Variants in FAAH2 observed in about 807,000 individuals in gnomAD.
FAAH2 encodes the protein fatty acid amide hydrolase 2.
Under a neutral mutation model 36.9 loss-of-function variants are expected in FAAH2, and 60 were observed. The ratio of observed to expected loss-of-function variants is 1.63; its 90% CI spans 1.32 to 2.02. The LOEUF (loss-of-function observed/expected upper bound fraction) is 2.02, where lower values mean the gene tolerates loss of function less well. FAAH2 is among the 30% of genes most tolerant of loss of function. FAAH2 has a pLI of 0.00. For missense variants in FAAH2, 689 were observed against 397.5 expected (o/e 1.73, Z -6.23); for synonymous variants, 214 against 143.8 (o/e 1.49, Z -3.49).
intron 5 of FAAH2, among the ~76,000 whole-genome samples, chrX:57,371,940 G>T (rs1275226399): frequency 3.6e-5 from 4 of 111,616 alleles, no homozygotes; most frequent in Admixed American, 9.5e-5. Flanking sequence ...TTAGAATAAT[G>T]GCCTCAGGCT....
At chrX:57,335,242 G>A (rs905578041) in intron 4 of FAAH2, among the ~76,000 whole-genome samples, 60 of 110,727 alleles carry the variant, frequency 5.4e-4, no homozygotes, top group Non-Finnish European at 1.0e-3. Flanking sequence ...GAAAGAAAGA[G>A]ACACAGAGAC....
chrX:57,383,739 T>A (rs1057098833), intron 7 of FAAH2, among the ~76,000 whole-genome samples: 4 of 111,645 alleles, frequency 3.6e-5, no homozygotes, highest in African/African-American at 6.5e-5. Context: ...ATGAAAATGG[T>A]CATACTGCCC....
At chrX:57,342,682 G>T (rs889836621) in intron 5 of FAAH2, among the ~76,000 whole-genome samples, 1 of 110,751 alleles carries the variant, frequency 9.0e-6, no homozygotes, top group African/African-American at 3.3e-5. Flanking sequence ...TGGGTAAATT[G>T]TGTGTCCATG....
At chrX:57,177,229 G>T in the FAAH2 span, among the ~76,000 whole-genome samples, 1 of 109,496 alleles carries the variant, frequency 9.1e-6, no homozygotes, top group African/African-American at 3.3e-5. Context: ...GAGACACCAG[G>T]GCTGCACTTA....
intron 3 of FAAH2, among the ~76,000 whole-genome samples, chrX:57,318,999 T>A (rs1172287882): frequency 9.0e-6 from 1 of 111,406 alleles, no homozygotes; most frequent in African/African-American, 3.3e-5. Context: ...CTCAATAAAG[T>A]AGGTATTAAT....
intron 10 of FAAH2, among the ~76,000 whole-genome samples, chrX:57,449,832 A>G (rs1316983323): frequency 1.8e-5 from 2 of 111,004 alleles, no homozygotes; most frequent in Non-Finnish European, 3.8e-5. Flanking sequence ...ACACCCAGCT[A>G]AGTTTTGTAT....
intron 10 of FAAH2, among the ~76,000 whole-genome samples, chrX:57,476,513 G>C (rs908983386): frequency 9.0e-6 from 1 of 111,317 alleles, no homozygotes; most frequent in Non-Finnish European, 1.9e-5. Context: ...TATTGAACCA[G>C]CCTTGCATCC....
intron 5 of FAAH2, among the ~76,000 whole-genome samples, chrX:57,349,358 T>C (rs1469444135): frequency 1.0e-5 from 1 of 98,057 alleles, no homozygotes; most frequent in African/African-American, 3.6e-5. Context: ...CACATATATA[T>C]TTTAAATGTT....
the FAAH2 span, among the ~76,000 whole-genome samples, chrX:57,122,160 C>T: frequency 6.3e-5 from 7 of 111,696 alleles, no homozygotes; most frequent in Non-Finnish European, 1.3e-4. Flanking sequence ...AGTCCCATCT[C>T]CCATTTTTGA....
chrX:57,447,235 T>C (rs1312290526), intron 9 of FAAH2, among the ~76,000 whole-genome samples, 196 bp downstream of exon 9: 2 of 111,866 alleles, frequency 1.8e-5, no homozygotes, highest in East Asian at 5.6e-4. Flanking sequence ...TGGGTTCTCA[T>C]GGTCTTGGGC....
intron 10 of FAAH2, among the ~76,000 whole-genome samples, chrX:57,467,323 C>T (rs763146529): frequency 4.0e-4 from 44 of 111,183 alleles, no homozygotes; most frequent in Admixed American, 2.3e-3. Flanking sequence ...CCAGGAAGTG[C>T]AAGGGGTCAG....
chrX:57,204,854 C>T, the FAAH2 span, among the ~76,000 whole-genome samples: 6 of 112,449 alleles, frequency 5.3e-5, no homozygotes, highest in Non-Finnish European at 1.1e-4. Context: ...ATTCTTTCTA[C>T]TGTGGCATGT....
the FAAH2 span, among the ~76,000 whole-genome samples, chrX:57,247,014 T>C: frequency 8.9e-6 from 1 of 111,992 alleles, no homozygotes; most frequent in Non-Finnish European, 1.9e-5. Flanking sequence ...TTTTATTTTA[T>C]ATACTTTTCA....
chrX:57,448,442 A>C (rs2056724451), intron 9 of FAAH2, 82 bp from the exon 10 acceptor site: 5 of 884,271 alleles, frequency 5.7e-6, no homozygotes, highest in Non-Finnish European at 7.7e-6. Context: ...AACATGTATT[A>C]CTTGAATAAG....
intron 5 of FAAH2, among the ~76,000 whole-genome samples, chrX:57,359,474 G>T (rs2054236566): frequency 1.8e-5 from 2 of 111,464 alleles, no homozygotes; most frequent in African/African-American, 3.3e-5. Context: ...TATTCCAATA[G>T]ATTGGAAATC....
the FAAH2 span, among the ~76,000 whole-genome samples, chrX:57,170,908 C>T: frequency 4.6e-5 from 5 of 109,444 alleles, no homozygotes; most frequent in Non-Finnish European, 7.6e-5. Flanking sequence ...CAGGGTTTCA[C>T]CATGTTGGCC....
At chrX:57,299,481 A>G (rs7473237) in intron 2 of FAAH2, among the ~76,000 whole-genome samples, 39,645 of 109,802 alleles carry the variant, frequency 0.36, 6,237 homozygotes, top group Middle Eastern at 0.61. Flanking sequence ...TATCTATGAC[A>G]AACCCACAGC....
chrX:57,428,952 G>A (rs1450093509), intron 7 of FAAH2, among the ~76,000 whole-genome samples: 1 of 111,606 alleles, frequency 9.0e-6, no homozygotes, highest in African/African-American at 3.3e-5. Context: ...ACAACGTGCA[G>A]AATGGAATAA....
intron 8 of FAAH2, among the ~76,000 whole-genome samples, chrX:57,444,083 G>T (rs962950057): frequency 4.5e-5 from 5 of 111,995 alleles, no homozygotes; most frequent in African/African-American, 1.6e-4. Flanking sequence ...GAGGCAGTCT[G>T]TCCGTTCTCA....
Sources: allele counts gnomAD v4.1 joint callset (sites outside exome capture counted in the v4.1 genomes callset), GRCh38; gene constraint gnomAD v4.1.1; transcripts MANE v1.5; gene names NCBI Gene and HGNC (gene_info 2026-07-23, HGNC 2026-07-21).